The following NUP210L variants were observed in gnomAD, a reference collection of about 807,000 sequenced individuals.
NUP210L encodes the protein nuclear pore membrane glycoprotein 210-like.
A neutral mutation model predicts 208.5 loss-of-function variants in NUP210L; 74 were observed. The ratio of observed to expected loss-of-function variants is 0.35; its 90% CI spans 0.29 to 0.43. The LOEUF (loss-of-function observed/expected upper bound fraction) is 0.43, where lower values mean the gene tolerates loss of function less well. Ranked by LOEUF, NUP210L falls within the 20% of genes least tolerant of loss-of-function variation. NUP210L has a pLI of 1.00. For synonymous variants in NUP210L, 780 were observed against 816.9 expected, an observed-to-expected ratio of 0.95 and a Z score of 0.77; for missense variants, 1,843 against 2,289.4, an observed-to-expected ratio of 0.81 and a Z score of 3.98.
chr1:154,111,197 A>C (rs1657024718), intron 12 of NUP210L, among the ~76,000 whole-genome samples: 1 of 151,400 alleles, frequency 6.6e-6, no homozygotes, highest in South Asian at 2.1e-4. Context: ...AGCCCGGCCT[A>C]CATGGTGAAA....
intron 12 of NUP210L, among the ~76,000 whole-genome samples, chr1:154,107,283 G>A (rs1454313349): frequency 1.3e-5 from 2 of 151,230 alleles, no homozygotes; most frequent in Non-Finnish European, 2.9e-5. Flanking sequence ...AGACCATCCT[G>A]GCTAACACGG....
chr1:154,139,710 G>A (rs1385207636), intron 5 of NUP210L, 92 bp downstream of exon 5: 10 of 864,588 alleles, frequency 1.2e-5, no homozygotes, highest in East Asian at 1.1e-4. Flanking sequence ...AAAACAGGGC[G>A]GGTAGTGCAT....
chr1:153,998,415 C>T (rs959247003), intron 37 of NUP210L, among the ~76,000 whole-genome samples: 10 of 151,946 alleles, frequency 6.6e-5, no homozygotes, highest in Middle Eastern at 3.4e-3. Flanking sequence ...ATTAGCCAGG[C>T]GTGGTGGCGG....
chr1:154,097,315 T>A (rs1286576177), intron 14 of NUP210L, among the ~76,000 whole-genome samples: 3 of 152,110 alleles, frequency 2.0e-5, no homozygotes, highest in African/African-American at 7.2e-5. Flanking sequence ...ACAATTTGTT[T>A]TTCATCAGGC....
chr1:154,153,092 C>T (rs1659483497), intron 1 of NUP210L, among the ~76,000 whole-genome samples: 1 of 152,014 alleles, frequency 6.6e-6, no homozygotes, highest in Non-Finnish European at 1.5e-5. Flanking sequence ...AATATCCCTC[C>T]CTCAATTTTT....
At chr1:154,125,226 A>T (rs1203718227) in intron 10 of NUP210L, among the ~76,000 whole-genome samples, 1 of 151,532 alleles carries the variant, frequency 6.6e-6, no homozygotes, top group Admixed American at 6.6e-5. Flanking sequence ...GAGGCGGGTG[A>T]ATCACTTGAG....
At chr1:154,054,865 C>T in intron 23 of NUP210L, 33 bp from the exon 24 acceptor site, 3 of 1,454,280 alleles carry the variant, frequency 2.1e-6, no homozygotes, top group Non-Finnish European at 2.9e-6. Flanking sequence ...ACAACAGTAA[C>T]TAACTAGAGT....
exon 1 of NUP210L, chr1:154,155,100 A>G (rs1659650670): frequency 1.5e-6 from 2 of 1,315,576 alleles, no homozygotes; most frequent in Admixed American, 2.0e-5. Context: ...CAGCTCCATC[A>G]GCCAATCCAC....
chr1:154,086,360 T>C (rs1337136344), intron 16 of NUP210L, among the ~76,000 whole-genome samples: 1 of 152,114 alleles, frequency 6.6e-6, no homozygotes, highest in East Asian at 1.9e-4. Context: ...ATAAAACTCA[T>C]AGAATAAATC....
At chr1:154,081,184 T>A (rs749940066) in intron 16 of NUP210L, among the ~76,000 whole-genome samples, 1 of 151,516 alleles carries the variant, frequency 6.6e-6, no homozygotes, top group Non-Finnish European at 1.5e-5. Flanking sequence ...ATGGCCCAGC[T>A]ATATGTTGTC....
chr1:154,097,865 C>T (rs1004328658), intron 14 of NUP210L, among the ~76,000 whole-genome samples: 1 of 152,164 alleles, frequency 6.6e-6, no homozygotes, highest in African/African-American at 2.4e-5. Context: ...TTGCAGGATA[C>T]TTAGGGTGTT....
intron 10 of NUP210L, among the ~76,000 whole-genome samples, chr1:154,125,628 A>G: frequency 1.7e-3 from 1 of 592 alleles, no homozygotes; most frequent in South Asian, 0.083. Context: ...TCTGAAAGGA[A>G]GGAAGGAAGG....
At chr1:154,126,437 A>G (rs770166802) in exon 10 of NUP210L, 3 of 1,612,556 alleles carry the variant, frequency 1.9e-6, no homozygotes, top group Non-Finnish European at 1.7e-6. Flanking sequence ...AGTACTCCTT[A>G]GGAAAGTCGT....
chr1:154,021,401 C>T (rs762449913), intron 32 of NUP210L, among the ~76,000 whole-genome samples: 43 of 151,908 alleles, frequency 2.8e-4, no homozygotes, highest in African/African-American at 8.9e-4. Flanking sequence ...GCAGGAGACT[C>T]GCTTGAACCC....
At chr1:154,115,962 T>C (rs1266588814) in intron 12 of NUP210L, among the ~76,000 whole-genome samples, 1 of 151,112 alleles carries the variant, frequency 6.6e-6, no homozygotes, top group African/African-American at 2.4e-5. Context: ...CTACTGAAAA[T>C]ACAAAAAATT....
chr1:154,052,632 G>A (rs1448858394), intron 25 of NUP210L, among the ~76,000 whole-genome samples: 1 of 152,050 alleles, frequency 6.6e-6, no homozygotes, highest in Non-Finnish European at 1.5e-5. Flanking sequence ...ATAATGCCTG[G>A]ATGTAATCAC....
chr1:154,030,612 C>T (rs1180839851), intron 27 of NUP210L, among the ~76,000 whole-genome samples: 2 of 151,852 alleles, frequency 1.3e-5, no homozygotes, highest in African/African-American at 4.8e-5. Flanking sequence ...TTTGTGGCTA[C>T]GTTGTAGGTA....
At chr1:154,103,010 A>G (rs1656547587) in intron 13 of NUP210L, among the ~76,000 whole-genome samples, 1 of 152,108 alleles carries the variant, frequency 6.6e-6, no homozygotes, top group African/African-American at 2.4e-5. Flanking sequence ...CAGGAGTTCA[A>G]GGTTACAATG....
At chr1:154,018,619 A>G (rs1344002011) in intron 33 of NUP210L, among the ~76,000 whole-genome samples, 1 of 152,064 alleles carries the variant, frequency 6.6e-6, no homozygotes, top group Non-Finnish European at 1.5e-5. Flanking sequence ...CTCCTCTGTC[A>G]CCACCCTGAT....
Sources: gnomAD v4.1 joint callset for allele counts (sites outside exome capture counted in the v4.1 genomes callset) on GRCh38, gnomAD v4.1.1 for gene constraint, MANE v1.5 for transcripts, NCBI Gene and HGNC (gene_info 2026-07-23, HGNC 2026-07-21) for gene names.